UBXN4: variants seen among roughly 807,000 people sequenced by gnomAD.
The protein encoded by UBXN4 is UBX domain-containing protein 4.
In UBXN4, 35 loss-of-function variants were observed where a neutral mutation model predicts 66.2. The ratio of observed to expected loss-of-function variants is 0.53; its 90% CI spans 0.40 to 0.70. UBXN4 has a LOEUF of 0.70. Among genes scored for constraint, UBXN4 ranks in the 30% least tolerant of loss-of-function variants. The pLI, the probability that UBXN4 is intolerant of heterozygous loss-of-function variation, is 0.00. For synonymous variants in UBXN4, 203 were observed against 204.5 expected, an observed-to-expected ratio of 0.99 and a Z score of 0.06; for missense variants, 533 against 599.8, an observed-to-expected ratio of 0.89 and a Z score of 1.16.
chr2:135,778,963 T>TA lies in UBXN4; in HGVS notation c.1070dup (p.Tyr357Ter), dbSNP rs1207574312. Residue 357 changes from tyrosine to a stop codon, truncating the protein, a stop_gained and frameshift_variant, in exon 11 of 13, where the codon TAC becomes TAAC. Transcript: ENST00000272638. LOFTEE classifies it high-confidence loss of function. ...QFAAQTVGNTYGNFSLATMFP... is the reference protein window; with the variant it reads ...QFAAQTVGNT Reference sequence around the variant, plus strand: ...TATTTTACAGACTGTTGGCAACACTTACGGTAATTTTTCGTTAGCAACCAT... The same window carrying TA: ...TATTTTACAGACTGTTGGCAACACTTAACGGTAATTTTTCGTTAGCAACCAT... 4 of 1,612,742 alleles carry TA rather than the reference T, an allele frequency of 2.5e-6. No individual in the cohort carries two copies. The highest frequency in any genetic ancestry group is 3.4e-6 in the Non-Finnish European group (4 of 1,179,566).
Position 135,761,886 on chromosome 2 carries a change from G to C in UBXN4, c.577G>C (p.Glu193Gln), listed in dbSNP as rs201063365. 1,648 of 1,613,556 alleles carry C rather than the reference G, an allele frequency of 1.0e-3. 3 individuals carry two copies. The highest frequency in any genetic ancestry group is 2.3e-3 in the Admixed American group (136 of 59,904). The change falls in exon 6 of 13, where the codon GAG (glutamate) becomes CAG (glutamine). Residue 193 changes from glutamate to glutamine, a missense_variant. Glu to Gln is a conservative substitution (Grantham distance 29, BLOSUM62 2). Transcript: ENST00000272638. ...PSGCSDQRPA[E>Q]DLNIRVERLT... ...TGGATGCTCAGATCAGAGACCTGCA[G>C]AGGACCTCAACATCCGAGTGGAAAG...
intron 6 of UBXN4, among the ~76,000 whole-genome samples, chr2:135,766,037 C>T (rs566841525): frequency 6.6e-6 from 1 of 152,074 alleles, no homozygotes; most frequent in South Asian, 2.1e-4. Context: ...CCTGTAATCT[C>T]AGCTATTTGG....
intron 6 of UBXN4, among the ~76,000 whole-genome samples, chr2:135,763,915 G>A (rs895259894): frequency 5.9e-5 from 9 of 151,568 alleles, no homozygotes; most frequent in Admixed American, 2.0e-4. Flanking sequence ...ATTTGAGGCC[G>A]GGAGTTCAAG....
intron 9 of UBXN4, among the ~76,000 whole-genome samples, chr2:135,775,599 A>G (rs2077410018): frequency 6.6e-6 from 1 of 152,208 alleles, no homozygotes; most frequent in South Asian, 2.1e-4. Flanking sequence ...CCGTAGAGAT[A>G]GTAGATTAGT....
rs2077175880 is a variant in UBXN4 at position 135,741,925 on chromosome 2, G to C, written c.-5G>C. 3.7e-6 allele frequency: 6 copies of C among 1,611,682 alleles called. No individual in the cohort carries two copies. Among genetic ancestry groups the C allele is most frequent in the Non-Finnish European group, 5.1e-6 (6 of 1,179,120 alleles). The stretch of plus-strand genomic sequence containing the variant: ...CCGAGCGAGCGCCTGGGCCCGAAGG[G>C]AGCGATGCTGTGGTTCCAGGGCGCC... On this transcript the variant is annotated 5_prime_UTR_variant, in exon 1 of 13. Transcript: ENST00000272638.
intron 2 of UBXN4, among the ~76,000 whole-genome samples, chr2:135,753,300 A>G (rs142627554): frequency 6.6e-6 from 1 of 152,362 alleles, no homozygotes; most frequent in East Asian, 1.9e-4. Flanking sequence ...CTGGGATTAC[A>G]GGCATGAGCC....
intron 10 of UBXN4, 119 bp downstream of exon 10, chr2:135,776,470 C>A: frequency 1.4e-6 from 1 of 727,404 alleles, no homozygotes; most frequent in Non-Finnish European, 2.2e-6. Flanking sequence ...AGGAGGGAGG[C>A]ACAAGACGCC....
chr2:135,763,972 C>A (rs946715825), intron 6 of UBXN4, among the ~76,000 whole-genome samples: 2 of 151,738 alleles, frequency 1.3e-5, no homozygotes, highest in East Asian at 1.9e-4. Flanking sequence ...TAGAAAAATA[C>A]AAAAATTAGC....
At chr2:135,782,046 G>A (rs147985178) in intron 12 of UBXN4, among the ~76,000 whole-genome samples, 165 of 152,336 alleles carry the variant, frequency 1.1e-3, no homozygotes, top group African/African-American at 3.7e-3. Flanking sequence ...CTGCACTCTA[G>A]CCTGGGCAAC....
intron 9 of UBXN4, among the ~76,000 whole-genome samples, chr2:135,775,023 A>G (rs2077404748): frequency 6.6e-6 from 1 of 152,208 alleles, no homozygotes. Context: ...GAAGATAAAC[A>G]AATGGCCAGT....
intron 2 of UBXN4, among the ~76,000 whole-genome samples, chr2:135,752,964 C>T (rs950321753): frequency 2.0e-5 from 3 of 150,424 alleles, no homozygotes; most frequent in Admixed American, 1.3e-4. Context: ...GTGATTCACC[C>T]GCCTTGGCCT....
intron 4 of UBXN4, among the ~76,000 whole-genome samples, chr2:135,754,627 A>T (rs2077268536): frequency 6.6e-6 from 1 of 151,666 alleles, no homozygotes; most frequent in South Asian, 2.1e-4. Context: ...CCTTCCTAAC[A>T]TTGGAATATT....
chr2:135,779,383 A>G (rs2077436429), intron 11 of UBXN4, among the ~76,000 whole-genome samples: 2 of 152,220 alleles, frequency 1.3e-5, no homozygotes, highest in Non-Finnish European at 2.9e-5. Context: ...TAATCCACAC[A>G]CTTAGTGTCT....
intron 2 of UBXN4, among the ~76,000 whole-genome samples, chr2:135,748,863 C>G (rs561801236): frequency 6.6e-6 from 1 of 151,178 alleles, no homozygotes; most frequent in Non-Finnish European, 1.5e-5. Context: ...GACCTTGTCT[C>G]TACTAAAAAA....
At chr2:135,758,458 C>T (rs2077291786) in intron 5 of UBXN4, among the ~76,000 whole-genome samples, 1 of 152,154 alleles carries the variant, frequency 6.6e-6, no homozygotes, top group South Asian at 2.1e-4. Flanking sequence ...CAGTAATCCT[C>T]CTGCCTTGCC....
chr2:135,764,378 A>G (rs1031239234), intron 6 of UBXN4, among the ~76,000 whole-genome samples: 1 of 152,230 alleles, frequency 6.6e-6, no homozygotes, highest in South Asian at 2.1e-4. Flanking sequence ...TATCTTGTAC[A>G]TAAGAACATA....
chr2:135,769,381 G>C (rs1313996692), intron 6 of UBXN4, among the ~76,000 whole-genome samples: 2 of 147,944 alleles, frequency 1.4e-5, no homozygotes, highest in Non-Finnish European at 3.0e-5. Flanking sequence ...CTGGCCTTAA[G>C]TTTTTATTTT....
intron 5 of UBXN4, among the ~76,000 whole-genome samples, chr2:135,760,971 C>A (rs558673206): frequency 6.6e-6 from 1 of 152,168 alleles, no homozygotes; most frequent in Non-Finnish European, 1.5e-5. Context: ...ACTGTAGTAA[C>A]GAAAATGCTT....
At chr2:135,753,676 CT>C (rs1368127458) in intron 3 of UBXN4, 109 bp downstream of exon 3, 4 of 989,602 alleles carry the variant, frequency 4.0e-6, no homozygotes, top group East Asian at 3.1e-5. Context: ...ATCATACATT[CT>C]TTTTTATGGA....
Sources: gnomAD v4.1 joint callset for allele counts (sites outside exome capture counted in the v4.1 genomes callset) on GRCh38, gnomAD v4.1.1 for gene constraint, MANE v1.5 for transcripts, NCBI Gene and HGNC (gene_info 2026-07-23, HGNC 2026-07-21) for gene names.